Variants in SLCO3A1 observed in about 807,000 individuals in gnomAD.
SLCO3A1 encodes solute carrier organic anion transporter family member 3A1.
Under a neutral mutation model 63.1 loss-of-function variants are expected in SLCO3A1, and 27 were observed. That is an observed-to-expected ratio of 0.43 (90% confidence interval 0.32 to 0.59). The LOEUF (loss-of-function observed/expected upper bound fraction) is 0.59, where lower values mean the gene tolerates loss of function less well. Among genes scored for constraint, SLCO3A1 ranks in the 20% least tolerant of loss-of-function variants. The pLI, the probability that SLCO3A1 is intolerant of heterozygous loss-of-function variation, is 0.09. For missense variants in SLCO3A1, 773 were observed against 945.8 expected, an observed-to-expected ratio of 0.82 and a Z score of 2.40; for synonymous variants, 473 against 409.9, an observed-to-expected ratio of 1.15 and a Z score of -1.86.
At chr15:92,029,797 G>C (rs2046623316) in intron 2 of SLCO3A1, among the ~76,000 whole-genome samples, 2 of 115,606 alleles carry the variant, frequency 1.7e-5, no homozygotes, top group Admixed American at 1.1e-4. Flanking sequence ...TGCAGCTGAG[G>C]CCTGCTCACT....
Position 92,073,053 on chromosome 15 carries a change from A to G in SLCO3A1, c.647-21828A>G, listed in dbSNP as rs373316017. Among the ~76,000 whole-genome samples, 162 of 152,174 alleles carry G rather than the reference A, an allele frequency of 1.1e-3. 1 individual carries two copies. Among genetic ancestry groups the G allele is most frequent in the African/African-American group, 3.7e-3 (155 of 41,528 alleles). On this transcript the variant is annotated intron_variant, in intron 2 of 9. Coordinates refer to ENST00000318445, the MANE Select transcript of SLCO3A1 (RefSeq NM_013272.4). ...CATTCAGATCCCACCCCTTTCCCCC[A>G]TCCTTTGCCCGGTAAGCCATGCACC... is the stretch of plus-strand genomic sequence containing the variant.
chr15:91,884,005 A>G (rs2063767748), intron 1 of SLCO3A1, among the ~76,000 whole-genome samples: 1 of 152,238 alleles, frequency 6.6e-6, no homozygotes. Context: ...ATACAGTCAC[A>G]TTAATGATCA....
chr15:92,049,656 C>T (rs117774873), intron 2 of SLCO3A1, among the ~76,000 whole-genome samples: 47 of 152,304 alleles, frequency 3.1e-4, no homozygotes, highest in Non-Finnish European at 6.0e-4. Flanking sequence ...TTTACCAAGA[C>T]TTAATGAAGA....
At chr15:92,140,448 T>C (rs2048115605) in intron 7 of SLCO3A1, among the ~76,000 whole-genome samples, 2 of 151,672 alleles carry the variant, frequency 1.3e-5, no homozygotes, top group Non-Finnish European at 2.9e-5. Context: ...AAAAAACGTA[T>C]ATTCTGTTGA....
chr15:92,141,154 C>A (rs1217941449), intron 7 of SLCO3A1, among the ~76,000 whole-genome samples: 2 of 152,156 alleles, frequency 1.3e-5, no homozygotes, highest in Non-Finnish European at 2.9e-5. Context: ...CCGCCACCCC[C>A]CAAGTTTGGA....
At chr15:91,974,109 A>G (rs747752723) in intron 2 of SLCO3A1, among the ~76,000 whole-genome samples, 26 of 152,008 alleles carry the variant, frequency 1.7e-4, no homozygotes, top group Non-Finnish European at 2.8e-4. Flanking sequence ...ACCCAAAGCC[A>G]TCTGGAAAAG....
rs1051817225 is a variant in SLCO3A1, at chr15:91,872,963, C to T, written c.180+18875C>T. On this transcript the variant is annotated intron_variant, in intron 1 of 9. Coordinates refer to ENST00000318445, the MANE Select transcript of SLCO3A1 (RefSeq NM_013272.4). This position sits in a 1 kb window ranked among gnomAD's most constrained non-coding sequence, Gnocchi z 4.1. ...CAGGGCCCCTGCTCCTGGCATGCAG[C>T]TACCTGCGTGCTCAGCACTCACCTG... Among the ~76,000 whole-genome samples the T allele has an allele frequency of 1.3e-5, 2 of 152,220 alleles. No individual in the cohort carries two copies. The highest frequency in any genetic ancestry group is 2.4e-5 in the African/African-American group (1 of 41,458).
intron 2 of SLCO3A1, among the ~76,000 whole-genome samples, chr15:91,960,850 T>A (rs754217853): frequency 2.0e-5 from 3 of 152,198 alleles, no homozygotes; most frequent in Admixed American, 6.5e-5. Context: ...AAATCCAAAA[T>A]CTGAAATGTT....
intron 6 of SLCO3A1, 38 bp from the exon 7 acceptor site, chr15:92,128,313 C>G (rs1159712926): frequency 6.2e-7 from 1 of 1,612,832 alleles, no homozygotes; most frequent in African/African-American, 1.3e-5. Context: ...CCGAATTGAC[C>G]TGTTTCTAAT....
chr15:92,006,997 C>T (rs750969338), intron 2 of SLCO3A1, among the ~76,000 whole-genome samples: 3 of 152,336 alleles, frequency 2.0e-5, no homozygotes, highest in Non-Finnish European at 2.9e-5. Context: ...AATTGTGCTG[C>T]ATTGAATTAT....
intron 2 of SLCO3A1, among the ~76,000 whole-genome samples, chr15:91,936,590 T>A (rs1899421859): frequency 6.6e-6 from 1 of 152,244 alleles, no homozygotes; most frequent in African/African-American, 2.4e-5. Context: ...CAGTTTCTTT[T>A]CTACAAATAG....
Position 91,880,397 on chromosome 15 carries a change from C to CTGTGTGTGTGTGTGTGTGTG in SLCO3A1, c.180+26310_180+26311insGTGTGTGTGTGTGTGTGTGT, listed in dbSNP as rs747889224. Among the ~76,000 whole-genome samples, 70 of 94,212 alleles carry CTGTGTGTGTGTGTGTGTGTG rather than the reference C, an allele frequency of 7.4e-4. 1 individual carries two copies. Among genetic ancestry groups the CTGTGTGTGTGTGTGTGTGTG allele is most frequent in the African/African-American group, 2.3e-3 (67 of 29,660 alleles). The allele number at this position is 94,212 out of a possible 152,430, so 61.8% of individuals were successfully genotyped here. A position where few individuals can be genotyped will look rare whatever the true frequency, so the allele number is the denominator to read the frequency against. On this transcript the variant is annotated intron_variant, in intron 1 of 9. Coordinates refer to ENST00000318445, the MANE Select transcript of SLCO3A1 (RefSeq NM_013272.4). ...CACTCGTGCTTCTCTCTCTCTCTCT[C>CTGTGTGTGTGTGTGTGTGTG]TCTCTCTCTCTCTGTGTGTGTGTGT...
chr15:92,147,249 A>C, intron 8 of SLCO3A1, 90 bp downstream of exon 8: 1 of 1,339,776 alleles, frequency 7.5e-7, no homozygotes, highest in Non-Finnish European at 1.0e-6. Context: ...GACAACAGGA[A>C]TCTCTCGAAC....
chr15:92,014,286 A>C (rs759833839), intron 2 of SLCO3A1, among the ~76,000 whole-genome samples: 2 of 152,034 alleles, frequency 1.3e-5, no homozygotes, highest in African/African-American at 2.4e-5. Context: ...TTTAAGTGCA[A>C]CTCCGGTTCA....
At chr15:91,957,310 T>C (rs1393902907) in intron 2 of SLCO3A1, among the ~76,000 whole-genome samples, 2 of 147,984 alleles carry the variant, frequency 1.4e-5, no homozygotes, top group Non-Finnish European at 3.0e-5. Context: ...TTCTGTCTCT[T>C]CTGTAGATTT....
intron 1 of SLCO3A1, among the ~76,000 whole-genome samples, chr15:91,910,775 T>C (rs1898460370): frequency 6.6e-6 from 1 of 152,232 alleles, no homozygotes; most frequent in Admixed American, 6.5e-5. Flanking sequence ...TCTACCTGCA[T>C]GCATGTTAGA....
At chr15:92,156,935 A>T (rs540769918) in intron 9 of SLCO3A1, among the ~76,000 whole-genome samples, 1 of 150,672 alleles carries the variant, frequency 6.6e-6, no homozygotes, top group Non-Finnish European at 1.5e-5. Context: ...AGGCCCAGCC[A>T]TTTCAACTAA....
intron 1 of SLCO3A1, among the ~76,000 whole-genome samples, chr15:91,895,676 A>C (rs1897985327): frequency 6.6e-6 from 1 of 152,196 alleles, no homozygotes; most frequent in Non-Finnish European, 1.5e-5. Flanking sequence ...ATATGATATG[A>C]GATATTGAAG....
chr15:92,042,220 A>G (rs1433897392), intron 2 of SLCO3A1, among the ~76,000 whole-genome samples: 1 of 152,190 alleles, frequency 6.6e-6, no homozygotes, highest in Non-Finnish European at 1.5e-5. Context: ...TTTTACTGCT[A>G]CCATTTAACA....
Sources: gnomAD v4.1 joint callset for allele counts (sites outside exome capture counted in the v4.1 genomes callset) on GRCh38, gnomAD v4.1.1 for gene constraint, Gnocchi (gnomAD v3.1) non-coding constraint, MANE v1.5 for transcripts, NCBI Gene and HGNC (gene_info 2026-07-23, HGNC 2026-07-21) for gene names.